THSD7B: variants seen among roughly 807,000 people sequenced by gnomAD.
The protein encoded by THSD7B is thrombospondin type 1 domain containing 7B.
Under a neutral mutation model 213.6 loss-of-function variants are expected in THSD7B, and 138 were observed. The ratio of observed to expected loss-of-function variants is 0.65; its 90% CI spans 0.56 to 0.74. THSD7B has a LOEUF of 0.74. Ranked by LOEUF, THSD7B falls within the 30% of genes least tolerant of loss-of-function variation. The probability of loss-of-function intolerance (pLI) is 0.00; values close to 1 mark genes in which losing one functional copy is unlikely to be tolerated. For synonymous variants in THSD7B, 742 were observed against 687.0 expected (o/e 1.08, Z -1.25); for missense variants, 1,931 against 1,991.5 (o/e 0.97, Z 0.58).
At chr2:137,213,742 C>G (rs1415809349) in intron 7 of THSD7B, among the ~76,000 whole-genome samples, 1 of 151,960 alleles carries the variant, frequency 6.6e-6, no homozygotes, top group East Asian at 1.9e-4. Flanking sequence ...GAAATCTCAG[C>G]CAGCTTTAGC....
At chr2:137,389,238 TAG>T (rs1553445651) in intron 12 of THSD7B, among the ~76,000 whole-genome samples, 2 of 140,792 alleles carry the variant, frequency 1.4e-5, no homozygotes, top group African/African-American at 2.7e-5. Context: ...TATATATATA[TAG>T]AGAGAGTTTT....
intron 2 of THSD7B, among the ~76,000 whole-genome samples, chr2:137,024,390 G>A (rs1339425269): frequency 6.6e-6 from 1 of 152,146 alleles, no homozygotes; most frequent in Non-Finnish European, 1.5e-5. Context: ...CTGAGGCAGG[G>A]TGGGGTTTAG....
intron 14 of THSD7B, among the ~76,000 whole-genome samples, chr2:137,434,091 A>G (rs895270248): frequency 1.3e-5 from 2 of 152,224 alleles, no homozygotes; most frequent in Non-Finnish European, 2.9e-5. Context: ...AAAATGTTGG[A>G]CAAAATAAGA....
chr2:137,192,585 T>C (rs1680678477), intron 7 of THSD7B, among the ~76,000 whole-genome samples: 1 of 152,158 alleles, frequency 6.6e-6, no homozygotes, highest in South Asian at 2.1e-4. Context: ...ATGGGCATTT[T>C]TCCAGAATAA....
At chr2:137,166,164 A>G (rs1680124184) in intron 6 of THSD7B, among the ~76,000 whole-genome samples, 1 of 152,140 alleles carries the variant, frequency 6.6e-6, no homozygotes, top group Non-Finnish European at 1.5e-5. Flanking sequence ...CCATCGCGTC[A>G]TGACAGGCAG....
At chr2:136,850,750 TTTTAA>T (rs1683086569) in intron 1 of THSD7B, among the ~76,000 whole-genome samples, 5 of 152,004 alleles carry the variant, frequency 3.3e-5, no homozygotes, top group Admixed American at 2.6e-4. Flanking sequence ...TTAATTATAG[TTTTAA>T]TTTAATAATG....
intron 15 of THSD7B, among the ~76,000 whole-genome samples, chr2:137,480,091 A>G (rs546066459): frequency 2.0e-4 from 30 of 152,200 alleles, no homozygotes; most frequent in African/African-American, 7.0e-4. Context: ...CTTACCTCTC[A>G]TTCCTTGCCT....
chr2:137,093,928 C>A (rs989346058), intron 3 of THSD7B, among the ~76,000 whole-genome samples: 1 of 151,914 alleles, frequency 6.6e-6, no homozygotes, highest in Admixed American at 6.6e-5. Flanking sequence ...ATTTATTTAC[C>A]TTTTTCCTAA....
intron 2 of THSD7B, among the ~76,000 whole-genome samples, chr2:137,028,269 G>C (rs780820844): frequency 2.4e-4 from 37 of 152,168 alleles, no homozygotes; most frequent in Non-Finnish European, 4.7e-4. Context: ...CACTGCATTG[G>C]TTAGACAGTC....
At chr2:137,287,181 G>A (rs1683201041) in intron 12 of THSD7B, among the ~76,000 whole-genome samples, 1 of 151,862 alleles carries the variant, frequency 6.6e-6, no homozygotes, top group Non-Finnish European at 1.5e-5. Context: ...TAATTAATTA[G>A]CACTTGATAC....
At chr2:137,206,542 C>T (rs1166740828) in intron 7 of THSD7B, among the ~76,000 whole-genome samples, 2 of 151,966 alleles carry the variant, frequency 1.3e-5, no homozygotes, top group Non-Finnish European at 2.9e-5. Context: ...TGGATTGAAT[C>T]CTAGTATCAG....
At chr2:137,038,498 T>A (rs146214073) in intron 2 of THSD7B, among the ~76,000 whole-genome samples, 287 of 152,304 alleles carry the variant, frequency 1.9e-3, no homozygotes, top group Middle Eastern at 3.4e-3. Flanking sequence ...CTGGGACCTT[T>A]TCCAAAGTCC....
intron 2 of THSD7B, among the ~76,000 whole-genome samples, chr2:136,919,975 T>C (rs1242165104): frequency 6.6e-6 from 1 of 152,198 alleles, no homozygotes; most frequent in Non-Finnish European, 1.5e-5. Flanking sequence ...AGCTTGGAGA[T>C]GTCAGGATTG....
chr2:136,999,107 A>G (rs1685955599), intron 2 of THSD7B, among the ~76,000 whole-genome samples: 1 of 152,018 alleles, frequency 6.6e-6, no homozygotes, highest in South Asian at 2.1e-4. Context: ...ACTTCATTGT[A>G]TTTTGCCTGC....
At chr2:137,522,618 A>T (rs1219125793) in intron 15 of THSD7B, among the ~76,000 whole-genome samples, 1 of 151,926 alleles carries the variant, frequency 6.6e-6, no homozygotes, top group African/African-American at 2.4e-5. Context: ...TAGAAACCTT[A>T]GTTGCAGCTC....
At chr2:136,916,983 A>C (rs955425194) in intron 2 of THSD7B, among the ~76,000 whole-genome samples, 2 of 152,224 alleles carry the variant, frequency 1.3e-5, no homozygotes, top group African/African-American at 4.8e-5. Flanking sequence ...CAGCATTATT[A>C]TGAGGCTATA....
intron 2 of THSD7B, among the ~76,000 whole-genome samples, chr2:136,898,069 G>C (rs1264491020): frequency 1.3e-5 from 2 of 152,218 alleles, no homozygotes; most frequent in African/African-American, 4.8e-5. Flanking sequence ...ACAGAGCGCT[G>C]ATCAGTGCAT....
chr2:136,965,562 C>T (rs910904708), intron 2 of THSD7B, among the ~76,000 whole-genome samples: 12 of 152,144 alleles, frequency 7.9e-5, no homozygotes, highest in African/African-American at 2.7e-4. Context: ...CTTAATGAAA[C>T]CGCTTTCCTG....
intron 12 of THSD7B, among the ~76,000 whole-genome samples, chr2:137,277,289 T>C (rs143695350): frequency 1.7e-4 from 26 of 152,180 alleles, no homozygotes; most frequent in African/African-American, 6.0e-4. Context: ...TTTTCTAGAA[T>C]ATGAAATCTC....
Sources: allele counts gnomAD v4.1 joint callset (sites outside exome capture counted in the v4.1 genomes callset), GRCh38; gene constraint gnomAD v4.1.1; transcripts MANE v1.5; gene names NCBI Gene and HGNC (gene_info 2026-07-23, HGNC 2026-07-21).